Variants in PLPPR1 observed in about 807,000 individuals in gnomAD.
PLPPR1 encodes phospholipid phosphatase related 1.
Under a neutral mutation model 33.1 loss-of-function variants are expected in PLPPR1, and 10 were observed. The observed-to-expected ratio is 0.30, with a 90% CI of 0.19 to 0.51. PLPPR1 has a LOEUF of 0.51. PLPPR1 is among the 20% of genes least tolerant of loss of function. PLPPR1 has a pLI of 0.97. For synonymous variants in PLPPR1, 151 were observed against 151.0 expected (o/e 1.00, Z 0.00); for missense variants, 304 against 408.1 (o/e 0.74, Z 2.20).
chr9:101,119,807 G>A (rs751709463), intron 1 of PLPPR1, among the ~76,000 whole-genome samples: 1 of 152,106 alleles, frequency 6.6e-6, no homozygotes, highest in African/African-American at 2.4e-5. Context: ...AGTGGCTCTG[G>A]GCTCTGGAAT....
chr9:101,234,104 T>C (rs1472031641), intron 2 of PLPPR1, among the ~76,000 whole-genome samples: 1 of 151,838 alleles, frequency 6.6e-6, no homozygotes, highest in Admixed American at 6.6e-5. Context: ...TGGTCTCCTC[T>C]AGGTTCATGG....
At chr9:101,261,852 G>A (rs547859054) in intron 2 of PLPPR1, among the ~76,000 whole-genome samples, 22 of 152,142 alleles carry the variant, frequency 1.4e-4, no homozygotes, top group East Asian at 1.2e-3. Context: ...GGAGGGCAGA[G>A]GATCAGGAAA....
chr9:101,176,440 G>A (rs929435478), intron 1 of PLPPR1, among the ~76,000 whole-genome samples: 4 of 152,174 alleles, frequency 2.6e-5, no homozygotes, highest in Non-Finnish European at 2.9e-5. Flanking sequence ...ACTCCTACGC[G>A]TTCCTCACTG....
chr9:101,062,415 A>C (rs57633276), intron 1 of PLPPR1, among the ~76,000 whole-genome samples: 7,199 of 152,146 alleles, frequency 0.047, 406 homozygotes, highest in South Asian at 0.19. Flanking sequence ...GGCTACATAC[A>C]GGCTAATATT....
At chr9:101,266,357 C>G (rs1392237135) in intron 2 of PLPPR1, among the ~76,000 whole-genome samples, 1 of 147,240 alleles carries the variant, frequency 6.8e-6, no homozygotes, top group African/African-American at 2.5e-5. Flanking sequence ...GATCCTGCCA[C>G]TGCACTCCAG....
At position 101,152,235 on chromosome 9, in the gene PLPPR1, C is replaced by T. The variant is rs566562445; in HGVS notation, c.-45-33215C>T. ...CTGTTCATATCCTTTGCCCACTTTTCGCTGGAGTTGTTTGTTTTGTTCCTG... is the reference window on the plus strand; with the variant it reads ...CTGTTCATATCCTTTGCCCACTTTTTGCTGGAGTTGTTTGTTTTGTTCCTG... On this transcript the variant is annotated intron_variant, in intron 1 of 7. Coordinates refer to ENST00000374874, the MANE Select transcript of PLPPR1 (RefSeq NM_207299.2). Among the ~76,000 whole-genome samples, 18 of 152,138 alleles carry T rather than the reference C, an allele frequency of 1.2e-4. No homozygotes were observed. In the South Asian group the frequency reaches 3.3e-3, roughly 28 times the overall value.
At chr9:101,176,483 A>G (rs1466538579) in intron 1 of PLPPR1, among the ~76,000 whole-genome samples, 1 of 152,232 alleles carries the variant, frequency 6.6e-6, no homozygotes, top group Non-Finnish European at 1.5e-5. Context: ...ATGTGAAGTT[A>G]GAAATTTTAC....
In PLPPR1 at chr9:101,312,929, C is replaced by T. The variant is rs562120791; in HGVS notation, c.768C>T (p.Asp256=). The change falls in exon 6 of 8, where the codon GAC becomes GAT. Residue 256 remains aspartate, a synonymous_variant. Transcript: ENST00000374874. ...RVSEYRNHCS[D]VIAGFILGTA... ...CTGAGTATCGGAACCACTGCTCGGA[C>T]GTGATTGCTGGTTTCATCCTGGGCA... 206 of 1,614,152 alleles carry T rather than the reference C, an allele frequency of 1.3e-4. 2 individuals are homozygous for T. Among genetic ancestry groups the T allele is most frequent in the South Asian group, 1.0e-3 (92 of 91,082 alleles).
chr9:101,191,049 G>C (rs1283992798), intron 2 of PLPPR1, among the ~76,000 whole-genome samples: 1 of 152,062 alleles, frequency 6.6e-6, no homozygotes, highest in Non-Finnish European at 1.5e-5. Flanking sequence ...TTAAAAATAG[G>C]ATAGTGATTT....
chr9:101,225,561 G>T (rs1827046459), intron 2 of PLPPR1, among the ~76,000 whole-genome samples: 1 of 152,152 alleles, frequency 6.6e-6, no homozygotes, highest in Non-Finnish European at 1.5e-5. Flanking sequence ...TTCCTGTGCA[G>T]CTGAACACGA....
At chr9:101,265,072 A>C (rs1473688188) in intron 2 of PLPPR1, among the ~76,000 whole-genome samples, 1 of 152,162 alleles carries the variant, frequency 6.6e-6, no homozygotes, top group East Asian at 1.9e-4. Flanking sequence ...CTGTTGGAAA[A>C]GGTTCTCATC....
At chr9:101,119,200 G>A (rs1831148843) in intron 1 of PLPPR1, among the ~76,000 whole-genome samples, 1 of 152,276 alleles carries the variant, frequency 6.6e-6, no homozygotes, top group South Asian at 2.1e-4. Context: ...CATGAAAGGC[G>A]GATACCTCTT....
chr9:101,106,078 A>C (rs1273674371), intron 1 of PLPPR1, among the ~76,000 whole-genome samples: 2 of 151,448 alleles, frequency 1.3e-5, no homozygotes, highest in Non-Finnish European at 2.9e-5. Context: ...AATACAGCAC[A>C]CTGATGGTCT....
intron 1 of PLPPR1, 163 bp from the exon 2 acceptor site, chr9:101,185,287 T>G (rs189236341): frequency 6.7e-6 from 3 of 446,604 alleles, no homozygotes; most frequent in Admixed American, 4.1e-5. Context: ...TTTATTGGAA[T>G]GATTATTAGT....
intron 1 of PLPPR1, among the ~76,000 whole-genome samples, chr9:101,100,735 G>A (rs1414368080): frequency 2.1e-5 from 3 of 144,696 alleles, no homozygotes; most frequent in Non-Finnish European, 3.1e-5. Context: ...TGTGTGTGTT[G>A]TGTTCCTAGT....
chr9:101,060,948 T>C lies in PLPPR1; in HGVS notation c.-46+31846T>C, dbSNP rs1564133305. Among the ~76,000 whole-genome samples the C allele has an allele frequency of 2.0e-5, 3 of 151,962 alleles. No homozygotes were observed. The East Asian group carries it at 5.8e-4, about 29-fold the overall frequency. On this transcript the variant is annotated intron_variant, in intron 1 of 7. Transcript: ENST00000374874. The stretch of plus-strand genomic sequence containing the variant: ...TTCTTCATTCTGTAATTCATCTTAT[T>C]TACCAAACCAAACTCTGAACTGCTT...
intron 2 of PLPPR1, among the ~76,000 whole-genome samples, chr9:101,242,426 T>C (rs1169023229): frequency 6.6e-6 from 1 of 152,016 alleles, no homozygotes; most frequent in Non-Finnish European, 1.5e-5. Flanking sequence ...TTTATTAGAA[T>C]AAGAGTGCTT....
At chr9:101,253,241 G>A (rs140125174) in intron 2 of PLPPR1, among the ~76,000 whole-genome samples, 3,070 of 151,116 alleles carry the variant, frequency 0.02, 40 homozygotes, top group Middle Eastern at 0.088. Flanking sequence ...TTTTTAATTT[G>A]ATAAAAGACG....
At chr9:101,309,558 T>G in intron 5 of PLPPR1, 97 bp downstream of exon 5, 2 of 1,359,732 alleles carry the variant, frequency 1.5e-6, no homozygotes, top group Non-Finnish European at 2.0e-6. Flanking sequence ...TTATAGCGAC[T>G]CTTAAATTTA....
Sources: allele counts gnomAD v4.1 joint callset (sites outside exome capture counted in the v4.1 genomes callset), GRCh38; gene constraint gnomAD v4.1.1; transcripts MANE v1.5; gene names NCBI Gene and HGNC (gene_info 2026-07-23, HGNC 2026-07-21).